EYS: variants seen among roughly 807,000 people sequenced by gnomAD.
The protein encoded by EYS is EGF-like photoreceptor maintenance factor.
EYS carries 250 observed loss-of-function variants against 282.1 expected under a neutral mutation model. That is an observed-to-expected ratio of 0.89 (90% confidence interval 0.80 to 0.98). EYS has a LOEUF of 0.98. Ranked by LOEUF, EYS falls within the 50% of genes least tolerant of loss-of-function variation. EYS has a pLI of 0.00. For missense variants in EYS, 4,016 were observed against 3,709.0 expected (o/e 1.08, Z -2.15); for synonymous variants, 1,355 against 1,282.9 (o/e 1.06, Z -1.20).
Position 63,792,510 on chromosome 6 carries a change from G to A in EYS, c.7412-3286C>T, listed in dbSNP as rs1186881688. Among the ~76,000 whole-genome samples, 7 of 152,150 alleles carry A rather than the reference G, an allele frequency of 4.6e-5. No homozygotes were observed. In the East Asian group the frequency reaches 1.2e-3, roughly 25 times the overall value. ...TGTAAATGACGAGTTAATGGGTGCA[G>A]TACACCAACATTGCACATGTATACA... On this transcript the variant is annotated intron_variant, in intron 37 of 42. Coordinates refer to ENST00000503581, the MANE Select transcript of EYS (RefSeq NM_001142800.2).
intron 26 of EYS, among the ~76,000 whole-genome samples, chr6:64,476,324 C>T (rs1776265444): frequency 1.3e-5 from 2 of 152,168 alleles, no homozygotes; most frequent in Non-Finnish European, 2.9e-5. Context: ...AGGTCTGCTA[C>T]ATTAACATGT....
chr6:65,147,432 G>C (rs1764506933), intron 12 of EYS, among the ~76,000 whole-genome samples: 1 of 151,978 alleles, frequency 6.6e-6, no homozygotes, highest in African/African-American at 2.4e-5. Flanking sequence ...TATCAAGTTA[G>C]CTTTGCATTG....
At chr6:65,647,467 A>G (rs929451171) in intron 1 of EYS, among the ~76,000 whole-genome samples, 1 of 152,228 alleles carries the variant, frequency 6.6e-6, no homozygotes, top group African/African-American at 2.4e-5. Flanking sequence ...AGCCACATGT[A>G]GAAGAATGAA....
In EYS at chr6:63,770,546, A is replaced by T. The variant is rs1299842964; in HGVS notation, c.7898+7460T>A. Among the ~76,000 whole-genome samples, 3 of 152,158 alleles carry T rather than the reference A, an allele frequency of 2.0e-5. No homozygotes were observed. In the East Asian group the frequency reaches 5.8e-4, roughly 29 times the overall value. On this transcript the variant is annotated intron_variant, in intron 40 of 42. Transcript: ENST00000503581. Reference sequence around the variant, plus strand: ...AATGGGCGATCACACGACCTAAAGGAATCTAGTTCTGCATATATAACTTAT... The same window carrying T: ...AATGGGCGATCACACGACCTAAAGGTATCTAGTTCTGCATATATAACTTAT...
At chr6:64,807,763 T>C (rs1764475730) in intron 22 of EYS, among the ~76,000 whole-genome samples, 1 of 152,162 alleles carries the variant, frequency 6.6e-6, no homozygotes, top group African/African-American at 2.4e-5. Flanking sequence ...TAGAATGATA[T>C]GTTACTACAC....
At chr6:65,147,320 C>T (rs1248789786) in intron 12 of EYS, among the ~76,000 whole-genome samples, 2 of 151,778 alleles carry the variant, frequency 1.3e-5, no homozygotes, top group East Asian at 1.9e-4. Flanking sequence ...TAAATATTAA[C>T]ATAAATAAAA....
At chr6:64,026,466 C>A (rs1156539456) in intron 33 of EYS, among the ~76,000 whole-genome samples, 1 of 152,152 alleles carries the variant, frequency 6.6e-6, no homozygotes, top group Non-Finnish European at 1.5e-5. Flanking sequence ...TTTGTTTCTG[C>A]ACTATGACTT....
intron 34 of EYS, 25 bp from the exon 35 acceptor site, chr6:63,984,628 A>T (rs1352235644): frequency 1.4e-6 from 2 of 1,446,462 alleles, no homozygotes; most frequent in African/African-American, 2.8e-5. Flanking sequence ...ACAACAAAAA[A>T]TATTATAGGT....
intron 29 of EYS, among the ~76,000 whole-genome samples, chr6:64,368,501 A>T (rs1772250125): frequency 6.6e-6 from 1 of 151,974 alleles, no homozygotes; most frequent in South Asian, 2.1e-4. Context: ...TTCGTTGAGA[A>T]ATTGCCAACT....
chr6:64,965,331 T>G (rs1366278890), intron 14 of EYS, among the ~76,000 whole-genome samples: 3 of 151,924 alleles, frequency 2.0e-5, no homozygotes, highest in Admixed American at 2.0e-4. Flanking sequence ...CCATAAATGA[T>G]CATAAAAAGA....
intron 5 of EYS, among the ~76,000 whole-genome samples, chr6:65,417,308 C>A (rs1057191217): frequency 1.3e-5 from 2 of 151,802 alleles, no homozygotes; most frequent in Non-Finnish European, 2.9e-5. Context: ...CCTAATTTAC[C>A]TTAACAAATA....
intron 2 of EYS, among the ~76,000 whole-genome samples, chr6:65,606,931 G>T (rs138605049): frequency 1.9e-4 from 29 of 151,092 alleles, no homozygotes; most frequent in African/African-American, 6.5e-4. Context: ...AATGAATGAA[G>T]AAATAATAAT....
chr6:65,366,225 A>G (rs965789789), intron 8 of EYS, among the ~76,000 whole-genome samples: 20 of 151,746 alleles, frequency 1.3e-4, no homozygotes, highest in African/African-American at 4.8e-4. Context: ...TTACAAGCCA[A>G]GATCTCATTT....
At chr6:65,650,342 A>G (rs1767610076) in intron 1 of EYS, among the ~76,000 whole-genome samples, 2 of 152,224 alleles carry the variant, frequency 1.3e-5, no homozygotes, top group Admixed American at 6.5e-5. Flanking sequence ...GGCTATACTC[A>G]TAACAGATTC....
At chr6:64,275,578 G>C (rs1180210867) in intron 30 of EYS, among the ~76,000 whole-genome samples, 1 of 150,658 alleles carries the variant, frequency 6.6e-6, no homozygotes, top group African/African-American at 2.4e-5. Context: ...CACCACGCCC[G>C]GCTAATTTTT....
At chr6:65,600,414 C>A (rs12206843) in intron 2 of EYS, among the ~76,000 whole-genome samples, 55,060 of 151,834 alleles carry the variant, frequency 0.36, 12,174 homozygotes, top group Non-Finnish European at 0.49. Context: ...TGTAACATAC[C>A]TCATGGATAA....
At chr6:64,449,684 A>G (rs184873645) in intron 26 of EYS, among the ~76,000 whole-genome samples, 2,266 of 152,330 alleles carry the variant, frequency 0.015, 16 homozygotes, top group East Asian at 0.032. Flanking sequence ...AAGCCAGAAG[A>G]GAGTGGGGGC....
chr6:63,740,111 T>G (rs1289528998), intron 41 of EYS, among the ~76,000 whole-genome samples: 3 of 152,104 alleles, frequency 2.0e-5, no homozygotes, highest in Non-Finnish European at 4.4e-5. Context: ...TAGTCCTAAT[T>G]AGGTTGAAAT....
chr6:64,966,385 C>T (rs1288113156), intron 14 of EYS, among the ~76,000 whole-genome samples: 2 of 151,938 alleles, frequency 1.3e-5, no homozygotes, highest in Admixed American at 6.6e-5. Context: ...ATTTGGCAGT[C>T]CTGATGGTTT....
Sources: allele counts gnomAD v4.1 joint callset (sites outside exome capture counted in the v4.1 genomes callset), GRCh38; gene constraint gnomAD v4.1.1; transcripts MANE v1.5; gene names NCBI Gene and HGNC (gene_info 2026-07-23, HGNC 2026-07-21).